The following PSMC4 variants were observed in gnomAD, a reference collection of about 807,000 sequenced individuals.
PSMC4 encodes the protein 26S proteasome regulatory subunit 6B.
Under a neutral mutation model 48.4 loss-of-function variants are expected in PSMC4, and 13 were observed. The ratio of observed to expected loss-of-function variants is 0.27; its 90% CI spans 0.18 to 0.43. The LOEUF (loss-of-function observed/expected upper bound fraction) is 0.43, where lower values mean the gene tolerates loss of function less well. Ranked by LOEUF, PSMC4 falls within the 20% of genes least tolerant of loss-of-function variation. The probability of loss-of-function intolerance (pLI) is 1.00; values close to 1 mark genes in which losing one functional copy is unlikely to be tolerated. For synonymous variants in PSMC4, 202 were observed against 212.3 expected, an observed-to-expected ratio of 0.95 and a Z score of 0.42; for missense variants, 262 against 555.9, an observed-to-expected ratio of 0.47 and a Z score of 5.32.
intron 3 of PSMC4, among the ~76,000 whole-genome samples, chr19:39,972,920 A>G (rs1052307800): frequency 6.6e-6 from 1 of 151,730 alleles, no homozygotes; most frequent in Non-Finnish European, 1.5e-5. Flanking sequence ...TAATTTTTGT[A>G]TTATTAGTAG....
At position 39,974,146 on chromosome 19, in the gene PSMC4, C is replaced by T. The variant is rs973238223; in HGVS notation, c.323-148C>T. On this transcript the variant is annotated intron_variant, in intron 3 of 10. Transcript: ENST00000157812. This position sits in a 1 kb window ranked among gnomAD's most constrained non-coding sequence, Gnocchi z 5.5. ...AAGGAGTTCGTGTGAATACTGGGGACGGACAGCAGGAGGGAAGGCTGGAGG... is the reference window on the plus strand; with the variant it reads ...AAGGAGTTCGTGTGAATACTGGGGATGGACAGCAGGAGGGAAGGCTGGAGG... 6.3e-5 allele frequency: 58 copies of T among 922,210 alleles called. No homozygotes were observed. In the African/African-American group the frequency reaches 7.5e-4, roughly 12 times the overall value. The allele number at this position is 922,210 out of a possible 1,614,324, so 57.1% of individuals were successfully genotyped here. A position where few individuals can be genotyped will look rare whatever the true frequency, so the allele number is the denominator to read the frequency against.
intron 1 of PSMC4, 24 bp from the exon 2 acceptor site, chr19:39,972,122 T>A: frequency 1.3e-6 from 2 of 1,595,068 alleles, no homozygotes; most frequent in South Asian, 1.1e-5. Flanking sequence ...CTTCTTCCAA[T>A]GTGAGTTATC....
In PSMC4 at chr19:39,980,030, G is replaced by T. The variant is rs375108140; in HGVS notation, c.842-40G>T. 30 of 1,613,796 alleles carry T rather than the reference G, an allele frequency of 1.9e-5. No homozygotes were observed. Among genetic ancestry groups the T allele is most frequent in the Non-Finnish European group, 2.5e-5 (30 of 1,179,924 alleles). On this transcript the variant is annotated intron_variant, in intron 7 of 10. Transcript: ENST00000157812. The surrounding 1 kb of genome is among the most constrained non-coding windows in gnomAD (Gnocchi z 4.8). ...GCCCGGGGTCTTGGACAGGCTTGTC[G>T]CATGGGATGCCTGGGACTGACTGTG...
At chr19:39,975,986 C>T (rs746933150) in intron 6 of PSMC4, among the ~76,000 whole-genome samples, 1 of 152,028 alleles carries the variant, frequency 6.6e-6, no homozygotes, top group South Asian at 2.1e-4. Flanking sequence ...CGGTGGCTCA[C>T]GCCTGTAATC....
rs368237983 is a variant in PSMC4, at chr19:39,974,863, T to G, written c.673+35T>G. ...TTCGCCCCTGCCCCGAGCTCTCATC[T>G]TCTGGCCTCTTCGCCTTGCTCCCTG... On this transcript the variant is annotated intron_variant, in intron 6 of 10. Coordinates refer to ENST00000157812, the MANE Select transcript of PSMC4 (RefSeq NM_006503.4). The surrounding 1 kb of genome is among the most constrained non-coding windows in gnomAD (Gnocchi z 5.5). The G allele has an allele frequency of 2.5e-6, 4 of 1,569,404 alleles. 1 individual carries two copies. Among genetic ancestry groups the G allele is most frequent in the Admixed American group, 1.7e-5 (1 of 59,676 alleles).
At position 39,971,214 on chromosome 19, in the gene PSMC4, A is replaced by G. The variant is rs777701297; in HGVS notation, c.12A>G (p.Ile4Met). MEE[I>M]GILVEKAQDE... ...CCGGCTTGGTCACTATGGAGGAGAT[A>G]GGCATCTTGGTGGAGAAGGCTCAGG... Residue 4 changes from isoleucine to methionine, a missense_variant, in exon 1 of 11, where the codon ATA becomes ATG. By Grantham distance (10) the Ile-to-Met change is conservative. Around this residue, in one of 4 missense-constraint regions of PSMC4, gnomAD observed 33 missense variants for 35.5 expected, o/e 0.93. Coordinates refer to ENST00000157812, the MANE Select transcript of PSMC4 (RefSeq NM_006503.4). 2.5e-6 allele frequency: 4 copies of G among 1,614,172 alleles called. No individual in the cohort carries two copies. The highest frequency in any genetic ancestry group is 3.4e-6 in the Non-Finnish European group (4 of 1,180,002).
intron 1 of PSMC4, 91 bp from the exon 2 acceptor site, chr19:39,972,055 G>C (rs1194694648): frequency 8.3e-7 from 1 of 1,197,778 alleles, no homozygotes; most frequent in African/African-American, 1.5e-5. Context: ...ACATCAGGGT[G>C]AAGTGGGGAG....
In PSMC4 at chr19:39,976,237, CAA is replaced by C. The variant is rs201717115; in HGVS notation, c.673+1416_673+1417del. Among the ~76,000 whole-genome samples, 56 of 105,340 alleles carry C rather than the reference CAA, an allele frequency of 5.3e-4. 1 individual carries two copies. Among genetic ancestry groups the C allele is most frequent in the Non-Finnish European group, 9.3e-5 (5 of 54,026 alleles). 69.1% of individuals were successfully genotyped at this position (105,340 alleles called of 152,430 possible). On this transcript the variant is annotated intron_variant, in intron 6 of 10. Transcript: ENST00000157812. Reference sequence around the variant, plus strand: ...GGGCGACAAAGCAAGACTCCATCTCCAAAAAAAATATATATATATATATATAT... The same window carrying C: ...GGGCGACAAAGCAAGACTCCATCTCCAAAAAATATATATATATATATATAT...
At chr19:39,975,828 G>A (rs1481645187) in intron 6 of PSMC4, among the ~76,000 whole-genome samples, 1 of 152,090 alleles carries the variant, frequency 6.6e-6, no homozygotes, top group Non-Finnish European at 1.5e-5. Flanking sequence ...GCCTTGTGCT[G>A]GAATGCAAAG....
Position 39,974,496 on chromosome 19 carries a change from A to G in PSMC4, c.470-28A>G, listed in dbSNP as rs780599355. On this transcript the variant is annotated intron_variant, in intron 4 of 10. Coordinates refer to ENST00000157812, the MANE Select transcript of PSMC4 (RefSeq NM_006503.4). This position sits in a 1 kb window ranked among gnomAD's most constrained non-coding sequence, Gnocchi z 5.5. ...CCATGGGGACCTTGAGGACCTGGCC[A>G]GGAGCCCCAGCTCTGCTCTCCCACC... 5.6e-6 allele frequency: 9 copies of G among 1,613,444 alleles called. No homozygotes were observed. Among genetic ancestry groups the G allele is most frequent in the Non-Finnish European group, 6.8e-6 (8 of 1,179,468 alleles).
At chr19:39,972,086 T>C (rs768479746) in intron 1 of PSMC4, 60 bp from the exon 2 acceptor site, 34 of 1,481,748 alleles carry the variant, frequency 2.3e-5, no homozygotes, top group Non-Finnish European at 2.7e-5. Context: ...ATTAGTGAAG[T>C]TGGGAAGCTT....
rs1971275699 is a variant in PSMC4, at chr19:39,980,765, C to T, written c.1143+48C>T. On this transcript the variant is annotated intron_variant, in intron 10 of 10. Transcript: ENST00000157812. This position sits in a 1 kb window ranked among gnomAD's most constrained non-coding sequence, Gnocchi z 4.8. The stretch of plus-strand genomic sequence containing the variant: ...ATCCAGGCAGCGGGTGTGTGAGGAC[C>T]CTTCTTCTCTGAACCACTCTGCTGC... 6.3e-7 allele frequency: 1 copy of T among 1,582,344 alleles called. No individual in the cohort carries two copies. The highest frequency in any genetic ancestry group is 1.3e-5 in the African/African-American group (1 of 74,118).
chr19:39,972,500 C>A lies in PSMC4; in HGVS notation c.267C>A (p.Ile89=), dbSNP rs142604125. 7 of 1,613,992 alleles carry A rather than the reference C, an allele frequency of 4.3e-6. No homozygotes were observed. Among genetic ancestry groups the A allele is most frequent in the Admixed American group, 1.7e-5 (1 of 59,998 alleles). The change falls in exon 3 of 11, where the codon ATC becomes ATA. Residue 89 remains isoleucine, a synonymous_variant. Coordinates refer to ENST00000157812, the MANE Select transcript of PSMC4 (RefSeq NM_006503.4). The part of the protein sequence containing the change: ...VKRIQSIPLV[I]GQFLEAVDQN... ...GAATCCAAAGCATCCCGCTGGTCAT[C>A]GGACAATTTCTGGAGGCTGTGGATC...
chr19:39,974,000 T>C (rs1439721966), intron 3 of PSMC4, among the ~76,000 whole-genome samples: 1 of 152,066 alleles, frequency 6.6e-6, no homozygotes, highest in East Asian at 1.9e-4. Flanking sequence ...GTCAGCCAGG[T>C]CTGACAATCA....
rs1284921126 is a variant in PSMC4 at position 39,980,440 on chromosome 19, T to C, written c.1073T>C (p.Val358Ala). 1 of 1,613,798 alleles carries C rather than the reference T, an allele frequency of 6.2e-7. No individual in the cohort carries two copies. The highest frequency in any genetic ancestry group is 1.7e-5 in the Admixed American group (1 of 59,988). The change falls in exon 9 of 11, where the codon GTT becomes GCT. Residue 358 changes from valine to alanine, a missense_variant. Val to Ala is a moderately conservative substitution (Grantham distance 64). Transcript: ENST00000157812. The surrounding 1 kb of genome is among the most constrained non-coding windows in gnomAD (Gnocchi z 4.8). ...ITSKMNLSEE[V>A]DLEDYVARPD... ...AGCAAGATGAACCTCTCTGAGGAGG[T>C]TGACTTGGAAGACTGTATCCTGCTC...
chr19:39,980,275 C>G lies in PSMC4; in HGVS notation c.919-11C>G. 1 of 1,613,764 alleles carries G rather than the reference C, an allele frequency of 6.2e-7. No individual in the cohort carries two copies. The highest frequency in any genetic ancestry group is 8.5e-7 in the Non-Finnish European group (1 of 1,179,908). ...TGCAGAGATCTGAGCTGGCCTGCCC[C>G]CCAATGTCAGGTAATCATGGCCACA... On this transcript the variant is annotated splice_polypyrimidine_tract_variant and intron_variant, in intron 8 of 10. Coordinates refer to ENST00000157812, the MANE Select transcript of PSMC4 (RefSeq NM_006503.4). The surrounding 1 kb of genome is among the most constrained non-coding windows in gnomAD (Gnocchi z 4.8).
chr19:39,973,542 C>CA (rs1180351929), intron 3 of PSMC4, among the ~76,000 whole-genome samples: 2 of 139,246 alleles, frequency 1.4e-5, no homozygotes, highest in Non-Finnish European at 3.0e-5. Context: ...GAGATCGTGA[C>CA]ACTGTACTAC....
intron 3 of PSMC4, among the ~76,000 whole-genome samples, chr19:39,973,088 T>C (rs541982069): frequency 1.3e-5 from 2 of 152,340 alleles, no homozygotes; most frequent in Admixed American, 1.3e-4. Flanking sequence ...ATCTGTCTCT[T>C]ACTTTTTAGA....
In PSMC4 at chr19:39,974,313, C is replaced by T; in HGVS notation, c.342C>T (p.Arg114=). 2 of 1,614,156 alleles carry T rather than the reference C, an allele frequency of 1.2e-6. No homozygotes were observed. Residue 114 remains arginine (R), a synonymous_variant, in exon 4 of 11, where the codon CGC becomes CGT. Transcript: ENST00000157812. The surrounding 1 kb of genome is among the most constrained non-coding windows in gnomAD (Gnocchi z 5.5). ...GSTTGSNYYV[R]ILSTIDRELL... is the part of the protein sequence containing the mutation. The stretch of plus-strand genomic sequence containing the variant: ...TCGCAGGCTCCAACTATTATGTGCG[C>T]ATCCTGAGCACCATCGATCGGGAGC...
Sources: gnomAD v4.1 joint callset for allele counts (sites outside exome capture counted in the v4.1 genomes callset) on GRCh38, gnomAD v4.1.1 for gene constraint, gnomAD v4.1.1 regional missense constraint, Gnocchi (gnomAD v3.1) non-coding constraint, MANE v1.5 for transcripts, NCBI Gene and HGNC (gene_info 2026-07-23, HGNC 2026-07-21) for gene names.